Variants in CEP128 observed in about 807,000 individuals in gnomAD.
The protein encoded by CEP128 is centrosomal protein 128, also known as centrosomal protein 128kDa.
A neutral mutation model predicts 156.7 loss-of-function variants in CEP128; 132 were observed. The observed-to-expected ratio is 0.84, with a 90% CI of 0.73 to 0.97. CEP128 has a LOEUF of 0.97. CEP128 is among the 50% of genes least tolerant of loss of function. CEP128 has a pLI of 0.00. For synonymous variants in CEP128, 469 were observed against 448.9 expected (o/e 1.04, Z -0.57); for missense variants, 1,252 against 1,281.9 (o/e 0.98, Z 0.36).
chr14:80,698,746 AG>A lies in CEP128; in HGVS notation c.2806+44328del, dbSNP rs1324043585. ...TTCTAAGATTAATAGAGATAAATTTAGACCTATCTATATTACCCAAACCCCA... is the reference window on the plus strand; with the variant it reads ...TTCTAAGATTAATAGAGATAAATTTAACCTATCTATATTACCCAAACCCCA... On this transcript the variant is annotated intron_variant, in intron 19 of 24. Coordinates refer to ENST00000555265, the MANE Select transcript of CEP128 (RefSeq NM_152446.5). Among the ~76,000 whole-genome samples the A allele has an allele frequency of 2.0e-5, 3 of 152,308 alleles. No homozygotes were observed. The East Asian group carries it at 5.8e-4, about 29-fold the overall frequency.
chr14:80,916,502 G>A lies in CEP128; in HGVS notation c.46C>T (p.Arg16Ter), dbSNP rs1186032339. The A allele has an allele frequency of 5.0e-6, 8 of 1,613,872 alleles. No homozygotes were observed. The highest frequency in any genetic ancestry group is 2.2e-5 in the East Asian group (1 of 44,870). ...GATCTGGCAGCCCATGGACTCAATC[G>A]GTCACGACAGCGGAAGTGATCTGAT... is the stretch of plus-strand genomic sequence containing the variant. ...SESDHFRCRD[R>*]LSPWAARSTH... The change falls in exon 3 of 25, where the codon CGA becomes TGA. Residue 16 changes from arginine (R) to a stop codon, truncating the protein, a stop_gained. Coordinates refer to ENST00000555265, the MANE Select transcript of CEP128 (RefSeq NM_152446.5). LOFTEE classifies it high-confidence loss of function.
intron 19 of CEP128, among the ~76,000 whole-genome samples, chr14:80,597,588 C>A (rs1892385270): frequency 1.4e-5 from 2 of 142,660 alleles, no homozygotes; most frequent in South Asian, 2.3e-4. Context: ...ATTTCAATAC[C>A]AAAAACAATA....
chr14:80,603,072 T>C (rs2140539815), intron 19 of CEP128, among the ~76,000 whole-genome samples: 1 of 152,292 alleles, frequency 6.6e-6, no homozygotes, highest in South Asian at 2.1e-4. Context: ...TTAAACTTAA[T>C]GGGAGGAAGC....
In CEP128 at chr14:80,545,620, T is replaced by C. The variant is rs115704857; in HGVS notation, c.2880+13659A>G. Among the ~76,000 whole-genome samples the C allele has an allele frequency of 3.0e-3, 463 of 152,264 alleles. 3 individuals carry two copies. Among genetic ancestry groups the C allele is most frequent in the African/African-American group, 0.01 (435 of 41,540 alleles). On this transcript the variant is annotated intron_variant, in intron 21 of 24. Coordinates refer to ENST00000555265, the MANE Select transcript of CEP128 (RefSeq NM_152446.5). ...GCTAAAATGAAGCTCCCTTGATCCT[T>C]GGACAGTTATGGAAAATAATGTGTG...
chr14:80,561,913 T>TATATATATATATATATATA (rs1566781226), intron 20 of CEP128, among the ~76,000 whole-genome samples: 10 of 148,404 alleles, frequency 6.7e-5, no homozygotes, highest in South Asian at 2.1e-4. Flanking sequence ...TATATATATA[T>TATATATATATATATATATA]TTGTTTTGTT....
chr14:80,734,465 C>A (rs1395665164), intron 19 of CEP128, among the ~76,000 whole-genome samples: 2 of 151,738 alleles, frequency 1.3e-5, no homozygotes, highest in Non-Finnish European at 1.5e-5. Flanking sequence ...ATAGTACCTA[C>A]CTAGGAATTA....
chr14:80,749,019 C>A (rs1326879437), intron 18 of CEP128, among the ~76,000 whole-genome samples: 4 of 152,114 alleles, frequency 2.6e-5, no homozygotes, highest in African/African-American at 9.7e-5. Flanking sequence ...TCACCATAAG[C>A]CCTGGGAGAG....
chr14:80,852,286 G>T (rs1886930172), intron 9 of CEP128, among the ~76,000 whole-genome samples: 1 of 151,634 alleles, frequency 6.6e-6, no homozygotes, highest in Non-Finnish European at 1.5e-5. Context: ...ATATATCTCT[G>T]AAAATACCAA....
intron 19 of CEP128, among the ~76,000 whole-genome samples, chr14:80,696,082 C>T (rs1398934196): frequency 1.3e-5 from 2 of 151,848 alleles, no homozygotes; most frequent in Non-Finnish European, 2.9e-5. Flanking sequence ...AACTAAAACG[C>T]GGTAGAGGAG....
rs1891045617 is a variant in CEP128, at chr14:80,569,391, T to C, written c.2857-10089A>G. ...CAAAATCATCCCTGGAAGTAAGTGA[T>C]CTTAAATTCCAAAGTCTATGAAATG... On this transcript the variant is annotated intron_variant, in intron 20 of 24. Coordinates refer to ENST00000555265, the MANE Select transcript of CEP128 (RefSeq NM_152446.5). Among the ~76,000 whole-genome samples the C allele has an allele frequency of 2.6e-5, 4 of 152,316 alleles. No individual in the cohort carries two copies. In the South Asian group the frequency reaches 8.3e-4, roughly 32 times the overall value.
intron 2 of CEP128, among the ~76,000 whole-genome samples, chr14:80,948,916 G>C (rs1446694310): frequency 6.6e-6 from 1 of 152,172 alleles, no homozygotes; most frequent in African/African-American, 2.4e-5. Flanking sequence ...CCTAAGGCAT[G>C]TTCCAATTTG....
At position 80,658,345 on chromosome 14, in the gene CEP128, A is replaced by T. The variant is rs544933331; in HGVS notation, c.2807-77922T>A. Among the ~76,000 whole-genome samples the T allele has an allele frequency of 7.9e-5, 12 of 152,276 alleles. No individual in the cohort carries two copies. The South Asian group carries it at 1.7e-3, about 21-fold the overall frequency. On this transcript the variant is annotated intron_variant, in intron 19 of 24. Transcript: ENST00000555265. ...TTTCAGGCTTTACTGCCCTATTCAC[A>T]TTTATGCTTGTCAGCAAATTTCCCT...
chr14:80,685,870 T>C (rs1455469442), intron 19 of CEP128, among the ~76,000 whole-genome samples: 4 of 152,112 alleles, frequency 2.6e-5, no homozygotes, highest in Admixed American at 2.6e-4. Context: ...AGAACCCCTA[T>C]TCAATAAATG....
chr14:80,828,105 C>T (rs890041228), intron 13 of CEP128, among the ~76,000 whole-genome samples: 1 of 150,826 alleles, frequency 6.6e-6, no homozygotes, highest in African/African-American at 2.4e-5. Flanking sequence ...TTATTTTGGC[C>T]TACTTTGCTT....
At chr14:80,558,522 T>C (rs939000810) in intron 21 of CEP128, among the ~76,000 whole-genome samples, 3 of 152,094 alleles carry the variant, frequency 2.0e-5, no homozygotes, top group Admixed American at 6.5e-5. Context: ...TCTCCTGACC[T>C]TGTGATCCAC....
At chr14:80,757,706 C>T (rs1291834448) in intron 17 of CEP128, among the ~76,000 whole-genome samples, 1 of 152,210 alleles carries the variant, frequency 6.6e-6, no homozygotes, top group Non-Finnish European at 1.5e-5. Context: ...AAAATATCCT[C>T]TCTCTCTACA....
At chr14:80,641,952 T>C (rs1299359306) in intron 19 of CEP128, among the ~76,000 whole-genome samples, 1 of 151,800 alleles carries the variant, frequency 6.6e-6, no homozygotes, top group Admixed American at 6.6e-5. Flanking sequence ...TAGCTGGGCG[T>C]GGTGGCGGGC....
chr14:80,527,063 A>G (rs1482347361), intron 22 of CEP128, 81 bp from the exon 23 acceptor site: 2 of 668,384 alleles, frequency 3.0e-6, no homozygotes, highest in African/African-American at 1.8e-5. Context: ...GAAAGAGTCT[A>G]TATGTAGATA....
At chr14:80,501,497 C>T (rs967361455) in intron 24 of CEP128, among the ~76,000 whole-genome samples, 1 of 151,710 alleles carries the variant, frequency 6.6e-6, no homozygotes, top group African/African-American at 2.4e-5. Context: ...TTCTTTCTTT[C>T]TTTTCTTTTT....
Sources: gnomAD v4.1 joint callset for allele counts (sites outside exome capture counted in the v4.1 genomes callset) on GRCh38, gnomAD v4.1.1 for gene constraint, MANE v1.5 for transcripts, NCBI Gene and HGNC (gene_info 2026-07-23, HGNC 2026-07-21) for gene names.